RUNX1: variants seen among roughly 807,000 people sequenced by gnomAD.
The protein encoded by RUNX1 is RUNX family transcription factor 1, also known as runt-related transcription factor 1.
A neutral mutation model predicts 42.8 loss-of-function variants in RUNX1; 19 were observed. The ratio of observed to expected loss-of-function variants is 0.44; its 90% confidence interval spans 0.31 to 0.65. RUNX1 has a LOEUF of 0.65. Ranked by LOEUF, RUNX1 falls within the 30% of genes least tolerant of loss-of-function variation. RUNX1 has a pLI of 0.07. For missense variants in RUNX1, 528 were observed against 672.0 expected (o/e 0.79, Z 2.37); for synonymous variants, 271 against 289.4 (o/e 0.94, Z 0.64).
At chr21:34,817,902 G>A (rs2056850708) in intron 7 of RUNX1, among the ~76,000 whole-genome samples, 1 of 152,204 alleles carries the variant, frequency 6.6e-6, no homozygotes, top group African/African-American at 2.4e-5. Context: ...GGCCTCTTGA[G>A]AACTGGATTT....
intron 2 of RUNX1, among the ~76,000 whole-genome samples, chr21:34,948,180 A>T (rs538003469): frequency 5.3e-5 from 8 of 151,914 alleles, no homozygotes; most frequent in Non-Finnish European, 7.4e-5. Context: ...TTAAAAAATC[A>T]TTTCTTCATA....
At chr21:35,047,545 ACACACACACACACACACTCTCT>A (rs1401017386) in intron 2 of RUNX1, among the ~76,000 whole-genome samples, 213 of 129,544 alleles carry the variant, frequency 1.6e-3, no homozygotes, top group African/African-American at 5.1e-3. Flanking sequence ...ACACACACAC[ACACACACACACACACACTCTCT>A]CTCTCTCTCT....
At chr21:35,038,455 G>A (rs1378440851) in intron 2 of RUNX1, 1 of 452,134 alleles carries the variant, frequency 2.2e-6, no homozygotes, top group East Asian at 7.0e-5. Context: ...ACGTCCTGGT[G>A]AGCAGAGACA....
chr21:34,788,266 T>A lies in RUNX1; in HGVS notation c.*3869A>T. 4.3e-6 allele frequency: 1 copy of A among 233,706 alleles called. No individual in the cohort carries two copies. Among genetic ancestry groups the A allele is most frequent in the East Asian group, 6.0e-5 (1 of 16,576 alleles). The allele number at this position is 233,706 out of a possible 1,614,324, so 14.5% of individuals were successfully genotyped here. ...ACCACATTTCCCGTTGCTTTTTCAGTAGATGTGTTATACCGTCATTTCAAT... is the reference window on the plus strand; with the variant it reads ...ACCACATTTCCCGTTGCTTTTTCAGAAGATGTGTTATACCGTCATTTCAAT... On this transcript the variant is annotated 3_prime_UTR_variant, in exon 9 of 9. Coordinates refer to ENST00000675419, the MANE Select transcript of RUNX1 (RefSeq NM_001754.5).
intron 5 of RUNX1, among the ~76,000 whole-genome samples, chr21:34,861,513 G>C (rs1310381146): frequency 6.6e-6 from 1 of 152,082 alleles, no homozygotes; most frequent in Non-Finnish European, 1.5e-5. Context: ...ACCCATGAAG[G>C]TTATCACCTG....
chr21:34,845,784 T>C (rs1201295301), intron 6 of RUNX1, among the ~76,000 whole-genome samples: 2 of 151,976 alleles, frequency 1.3e-5, no homozygotes, highest in Non-Finnish European at 2.9e-5. Flanking sequence ...CGGAGAGATA[T>C]AGTAAAGCTA....
At chr21:34,877,008 C>A (rs919996652) in intron 5 of RUNX1, among the ~76,000 whole-genome samples, 1 of 152,114 alleles carries the variant, frequency 6.6e-6, no homozygotes, top group African/African-American at 2.4e-5. Context: ...AGGCGCCCGC[C>A]ACCACACCTG....
At chr21:34,957,166 C>T (rs576112678) in intron 2 of RUNX1, among the ~76,000 whole-genome samples, 3 of 152,322 alleles carry the variant, frequency 2.0e-5, no homozygotes, top group Non-Finnish European at 4.4e-5. Context: ...GGGAGAGAAA[C>T]TCTGACTTGG....
chr21:35,039,012 T>C (rs2059338271), intron 2 of RUNX1, among the ~76,000 whole-genome samples: 1 of 152,124 alleles, frequency 6.6e-6, no homozygotes, highest in Non-Finnish European at 1.5e-5. Context: ...AGAGAGAACA[T>C]CCAAATGACA....
intron 3 of RUNX1, chr21:34,888,010 C>T (rs2058023274): frequency 1.9e-6 from 2 of 1,066,060 alleles, no homozygotes; most frequent in Non-Finnish European, 2.3e-6. Flanking sequence ...CATCTGTGAA[C>T]TCGGGTTTGG....
Position 34,992,136 on chromosome 21 carries a change from C to G in RUNX1, c.58+56706G>C, listed in dbSNP as rs572142916. ...CAAGCATGGGAAAGTAACGCACCCC[C>G]TCTCAGGAGAGTGAAGCGGGCGGTG... On this transcript the variant is annotated intron_variant, in intron 2 of 8. Transcript: ENST00000675419. 1.3e-4 allele frequency among the ~76,000 whole-genome samples: 20 copies of G among 152,380 alleles called. No individual in the cohort carries two copies. In the East Asian group the frequency reaches 3.7e-3, roughly 28 times the overall value.
intron 2 of RUNX1, among the ~76,000 whole-genome samples, chr21:34,986,678 T>C (rs2058890257): frequency 1.3e-5 from 2 of 151,268 alleles, no homozygotes; most frequent in South Asian, 4.2e-4. Context: ...ACTGGAGTAA[T>C]GCAAAGATGA....
intron 6 of RUNX1, chr21:34,856,545 T>C (rs758385419): frequency 6.5e-6 from 3 of 460,866 alleles, no homozygotes; most frequent in Non-Finnish European, 4.3e-6. Flanking sequence ...AGCACAGAAG[T>C]AGACATCAGG....
At chr21:34,799,187 A>T in intron 8 of RUNX1, 114 bp downstream of exon 8, 1 of 1,122,294 alleles carries the variant, frequency 8.9e-7, no homozygotes, top group East Asian at 2.4e-5. Context: ...GAGATAGGTC[A>T]CCTTTAAACC....
chr21:34,816,668 A>C (rs2056831440), intron 7 of RUNX1, among the ~76,000 whole-genome samples: 1 of 152,094 alleles, frequency 6.6e-6, no homozygotes, highest in Non-Finnish European at 1.5e-5. Context: ...GGTGCCCTGA[A>C]GAATGGCAGG....
chr21:35,008,861 C>T lies in RUNX1; in HGVS notation c.58+39981G>A, dbSNP rs370267799. ...AGATAAAATTACACTTCTATTAGAA[C>T]GTCAAGTAGGACCTTGCATGAAAAG... On this transcript the variant is annotated intron_variant, in intron 2 of 8. Transcript: ENST00000675419. Among the ~76,000 whole-genome samples, 8 of 152,010 alleles carry T rather than the reference C, an allele frequency of 5.3e-5. 1 individual carries two copies. The highest frequency in any genetic ancestry group is 4.2e-4 in the South Asian group (2 of 4,818).
intron 6 of RUNX1, among the ~76,000 whole-genome samples, chr21:34,845,537 C>T (rs894218403): frequency 1.3e-5 from 2 of 152,214 alleles, no homozygotes; most frequent in African/African-American, 4.8e-5. Context: ...TTTTCAACAA[C>T]TGTTTTGAAC....
chr21:34,820,021 A>G (rs966928944), intron 7 of RUNX1, among the ~76,000 whole-genome samples: 1 of 152,258 alleles, frequency 6.6e-6, no homozygotes, highest in East Asian at 1.9e-4. Flanking sequence ...AAAACACCAA[A>G]GAGGCTGACC....
At chr21:34,891,836 T>C (rs1207935689) in intron 3 of RUNX1, among the ~76,000 whole-genome samples, 1 of 152,120 alleles carries the variant, frequency 6.6e-6, no homozygotes, top group Non-Finnish European at 1.5e-5. Flanking sequence ...GAAATGTACA[T>C]TTCTGCAGTG....
Sources: allele counts gnomAD v4.1 joint callset (sites outside exome capture counted in the v4.1 genomes callset), GRCh38; gene constraint gnomAD v4.1.1; transcripts MANE v1.5; gene names NCBI Gene and HGNC (gene_info 2026-07-23, HGNC 2026-07-21).